Variants in MAGI2 observed in about 807,000 individuals in gnomAD.
The protein encoded by MAGI2 is membrane-associated guanylate kinase, WW and PDZ domain-containing protein 2.
A neutral mutation model predicts 133.3 loss-of-function variants in MAGI2; 35 were observed. The observed-to-expected ratio is 0.26, with a 90% CI of 0.20 to 0.35. The LOEUF is 0.35. Ranked by LOEUF, MAGI2 falls within the 10% of genes least tolerant of loss-of-function variation. The probability of loss-of-function intolerance (pLI) is 1.00; values close to 1 mark genes in which losing one functional copy is unlikely to be tolerated. For missense variants in MAGI2, 1,636 were observed against 1,863.4 expected (o/e 0.88, Z 2.25); for synonymous variants, 729 against 710.6 (o/e 1.03, Z -0.41).
At chr7:78,432,224 A>C (rs1799863345) in intron 6 of MAGI2, among the ~76,000 whole-genome samples, 1 of 151,650 alleles carries the variant, frequency 6.6e-6, no homozygotes, top group Non-Finnish European at 1.5e-5. Context: ...AAAAAAAGGC[A>C]AAACTAGCTT....
At chr7:78,144,830 G>A (rs991148868) in intron 16 of MAGI2, among the ~76,000 whole-genome samples, 2 of 152,138 alleles carry the variant, frequency 1.3e-5, no homozygotes, top group Non-Finnish European at 1.5e-5. Flanking sequence ...ATGCGTGTGT[G>A]CCATGGTGGT....
intron 1 of MAGI2, among the ~76,000 whole-genome samples, chr7:79,201,077 A>C (rs375246374): frequency 6.6e-5 from 10 of 151,932 alleles, no homozygotes; most frequent in African/African-American, 2.2e-4. Context: ...GGCATATCCT[A>C]AGCAGAAATT....
At chr7:78,737,184 C>T (rs1309433263) in intron 2 of MAGI2, among the ~76,000 whole-genome samples, 1 of 152,094 alleles carries the variant, frequency 6.6e-6, no homozygotes, top group Admixed American at 6.6e-5. Flanking sequence ...CTGCCACTGC[C>T]CATTTGATAA....
At chr7:79,075,564 C>G (rs778366751) in intron 1 of MAGI2, among the ~76,000 whole-genome samples, 10 of 152,050 alleles carry the variant, frequency 6.6e-5, no homozygotes, top group Non-Finnish European at 1.0e-4. Flanking sequence ...AGTTCAAGAC[C>G]AGCCTGGGCA....
chr7:78,821,400 C>T (rs1168199221), intron 2 of MAGI2, among the ~76,000 whole-genome samples: 7 of 151,814 alleles, frequency 4.6e-5, no homozygotes, highest in African/African-American at 1.7e-4. Context: ...AAGTCAATAA[C>T]AGGTTGATAA....
At chr7:78,314,475 G>T (rs1371822689) in intron 9 of MAGI2, among the ~76,000 whole-genome samples, 1 of 152,166 alleles carries the variant, frequency 6.6e-6, no homozygotes, top group Non-Finnish European at 1.5e-5. Context: ...TGACTTATAA[G>T]AGGGCATGGA....
chr7:78,052,518 C>T (rs1457308264), intron 21 of MAGI2, among the ~76,000 whole-genome samples: 3 of 152,200 alleles, frequency 2.0e-5, no homozygotes, highest in African/African-American at 7.2e-5. Context: ...TTATAAATGA[C>T]CCATCCTCAG....
chr7:78,701,442 C>A (rs1254491467), intron 2 of MAGI2, among the ~76,000 whole-genome samples: 1 of 151,892 alleles, frequency 6.6e-6, no homozygotes, highest in East Asian at 1.9e-4. Flanking sequence ...ACATGTGGGA[C>A]CACAGTTTTT....
At chr7:78,843,029 A>G (rs1478991959) in intron 2 of MAGI2, among the ~76,000 whole-genome samples, 1 of 151,914 alleles carries the variant, frequency 6.6e-6, no homozygotes, top group Non-Finnish European at 1.5e-5. Context: ...GAAATGATTG[A>G]TGGTTTAAAA....
rs1253997200 is a variant in MAGI2 at position 78,256,470 on chromosome 7, CACA to C, written c.1517_1519del (p.Leu506del). 6.2e-7 allele frequency: 1 copy of C among 1,613,770 alleles called. No homozygotes were observed. Among genetic ancestry groups the C allele is most frequent in the Non-Finnish European group, 8.5e-7 (1 of 1,179,954 alleles). On this transcript the variant is annotated inframe_deletion, in exon 10 of 22. Transcript: ENST00000354212. ...ATCAAAGGGCAAAGGGTAGCCACGA[CACA>C]ACACCAGGTTGACACTCTGACCAAT...
intron 9 of MAGI2, among the ~76,000 whole-genome samples, chr7:78,285,112 T>C (rs1254010001): frequency 1.3e-5 from 2 of 152,088 alleles, no homozygotes; most frequent in Admixed American, 6.6e-5. Context: ...ACGAACTCAC[T>C]GAAAGCACTG....
intron 1 of MAGI2, among the ~76,000 whole-genome samples, chr7:79,317,002 T>TA (rs1838779102): frequency 7.1e-6 from 1 of 141,538 alleles, no homozygotes; most frequent in East Asian, 2.0e-4. Flanking sequence ...AAATGTAGGG[T>TA]TTTTTTTTTT....
intron 1 of MAGI2, among the ~76,000 whole-genome samples, chr7:79,119,569 G>C (rs1428011174): frequency 1.3e-5 from 2 of 152,048 alleles, no homozygotes; most frequent in African/African-American, 4.8e-5. Context: ...TTTTTGTTAA[G>C]TGACAGAACG....
At chr7:78,195,854 T>G (rs1828679699) in intron 11 of MAGI2, among the ~76,000 whole-genome samples, 1 of 152,254 alleles carries the variant, frequency 6.6e-6, no homozygotes, top group Non-Finnish European at 1.5e-5. Flanking sequence ...CTATTGGCAC[T>G]GCCAACTTCA....
chr7:78,327,457 C>T (rs1788701685), intron 9 of MAGI2, among the ~76,000 whole-genome samples: 1 of 152,212 alleles, frequency 6.6e-6, no homozygotes, highest in South Asian at 2.1e-4. Context: ...AGTGATTCTC[C>T]TGTAGCCTCC....
chr7:78,276,392 T>G (rs185285724), intron 9 of MAGI2, among the ~76,000 whole-genome samples: 128 of 152,302 alleles, frequency 8.4e-4, no homozygotes, highest in Non-Finnish European at 1.4e-3. Context: ...ACACATGCAA[T>G]TATCATTTTA....
chr7:79,419,103 G>T (rs1846754639), intron 1 of MAGI2, among the ~76,000 whole-genome samples: 1 of 151,666 alleles, frequency 6.6e-6, no homozygotes, highest in South Asian at 2.1e-4. Flanking sequence ...TCCTTTAGTT[G>T]TCAATGACTT....
chr7:78,849,952 A>T (rs1044952619), intron 2 of MAGI2, among the ~76,000 whole-genome samples: 2 of 152,112 alleles, frequency 1.3e-5, no homozygotes, highest in African/African-American at 4.8e-5. Flanking sequence ...AAACTATAAG[A>T]AACTTTGCAG....
chr7:78,594,294 G>A (rs1804356097), intron 3 of MAGI2, among the ~76,000 whole-genome samples: 1 of 152,094 alleles, frequency 6.6e-6, no homozygotes, highest in Non-Finnish European at 1.5e-5. Flanking sequence ...ACTAACACAG[G>A]CCTCTGTAAC....
Sources: gnomAD v4.1 joint callset for allele counts (sites outside exome capture counted in the v4.1 genomes callset) on GRCh38, gnomAD v4.1.1 for gene constraint, MANE v1.5 for transcripts, NCBI Gene and HGNC (gene_info 2026-07-23, HGNC 2026-07-21) for gene names.